Variants in SDK1 observed in about 807,000 individuals in gnomAD.
The protein encoded by SDK1 is protein sidekick-1.
SDK1 carries 157 observed loss-of-function variants against 245.5 expected under a neutral mutation model. The observed-to-expected ratio is 0.64, with a 90% CI of 0.56 to 0.73. The LOEUF (loss-of-function observed/expected upper bound fraction) is 0.73, where lower values mean the gene tolerates loss of function less well. SDK1 is among the 30% of genes least tolerant of loss of function. The pLI is 0.00. For missense variants in SDK1, 3,583 were observed against 3,002.3 expected, an observed-to-expected ratio of 1.19 and a Z score of -4.52; for synonymous variants, 1,647 against 1,278.5, an observed-to-expected ratio of 1.29 and a Z score of -6.15.
intron 4 of SDK1, among the ~76,000 whole-genome samples, chr7:3,702,888 G>A (rs1170306030): frequency 3.3e-5 from 5 of 151,696 alleles, no homozygotes; most frequent in Non-Finnish European, 4.4e-5. Flanking sequence ...CAAAATAAGA[G>A]ATCACTAGCT....
At chr7:3,929,387 T>G (rs535532217) in intron 5 of SDK1, among the ~76,000 whole-genome samples, 3 of 152,222 alleles carry the variant, frequency 2.0e-5, no homozygotes, top group Admixed American at 1.3e-4. Context: ...TTGGCGGGGT[T>G]GCTTATGTCT....
intron 44 of SDK1, among the ~76,000 whole-genome samples, chr7:4,247,433 C>T (rs1287785832): frequency 6.6e-6 from 1 of 152,248 alleles, no homozygotes; most frequent in East Asian, 1.9e-4. Context: ...CAGGGGCTGT[C>T]AAGTGAAATC....
At chr7:3,799,154 T>C (rs1779041143) in intron 4 of SDK1, among the ~76,000 whole-genome samples, 1 of 152,192 alleles carries the variant, frequency 6.6e-6, no homozygotes, top group African/African-American at 2.4e-5. Context: ...TCTTGGGCCT[T>C]TTTATTACTT....
intron 5 of SDK1, among the ~76,000 whole-genome samples, chr7:3,831,382 G>A (rs1007652714): frequency 6.6e-6 from 1 of 152,126 alleles, no homozygotes; most frequent in Non-Finnish European, 1.5e-5. Flanking sequence ...AATGAGTTCA[G>A]TATTCTGAAG....
chr7:3,569,217 G>A lies in SDK1; in HGVS notation c.299-49863G>A, dbSNP rs78555413. On this transcript the variant is annotated intron_variant, in intron 1 of 44. Transcript: ENST00000404826. ...ATACTATATCCAGTAAGTTAGAAGC[G>A]AGAAAAACAAGGAAAAACAGAAGTC... Among the ~76,000 whole-genome samples, 637 of 152,248 alleles carry A rather than the reference G, an allele frequency of 4.2e-3. 5 individuals are homozygous for A. The highest frequency in any genetic ancestry group is 0.014 in the African/African-American group (591 of 41,542).
At position 4,029,214 on chromosome 7, in the gene SDK1, C is replaced by CTTTTTTT. The variant is rs532321663; in HGVS notation, c.2602+11871_2602+11877dup. 6.1e-5 allele frequency among the ~76,000 whole-genome samples: 6 copies of CTTTTTTT among 98,400 alleles called. 1 individual carries two copies. Among genetic ancestry groups the CTTTTTTT allele is most frequent in the African/African-American group, 2.9e-4 (4 of 13,806 alleles). The allele number at this position is 98,400 out of a possible 152,430, so 64.6% of individuals were successfully genotyped here. On this transcript the variant is annotated intron_variant, in intron 17 of 44. Transcript: ENST00000404826. ...CTTGATTTTCTTTCTTTTATTCTTT[C>CTTTTTTT]TTTTTTTTTTTTTTTGTGAAGAAGT...
intron 5 of SDK1, among the ~76,000 whole-genome samples, chr7:3,945,904 A>AAAAAAAAAAAAC (rs1780558350): frequency 8.3e-6 from 1 of 119,800 alleles, no homozygotes; most frequent in Non-Finnish European, 1.7e-5. Flanking sequence ...GTCTGTAAAA[A>AAAAAAAAAAAAC]AAAAAAAAAA....
chr7:3,999,533 C>G (rs753806342), intron 14 of SDK1, among the ~76,000 whole-genome samples: 3 of 152,158 alleles, frequency 2.0e-5, no homozygotes, highest in Non-Finnish European at 4.4e-5. Flanking sequence ...GCAGAATGTT[C>G]AAACGGTCAG....
chr7:4,247,103 C>A (rs1786919875), intron 44 of SDK1, among the ~76,000 whole-genome samples: 1 of 152,322 alleles, frequency 6.6e-6, no homozygotes, highest in African/African-American at 2.4e-5. Context: ...ATTGGCTGTA[C>A]ACATAGGCCT....
At chr7:3,891,062 C>T (rs968401719) in intron 5 of SDK1, among the ~76,000 whole-genome samples, 1 of 152,180 alleles carries the variant, frequency 6.6e-6, no homozygotes, top group African/African-American at 2.4e-5. Context: ...GTGGAGCCAT[C>T]ACTGTCTAGA....
At chr7:3,582,684 A>T (rs1035047958) in intron 1 of SDK1, among the ~76,000 whole-genome samples, 5 of 29,974 alleles carry the variant, frequency 1.7e-4, no homozygotes, top group Admixed American at 5.0e-4. Flanking sequence ...AAACTAAAGT[A>T]AAAAAAAAAA....
chr7:4,140,139 C>G (rs536813606), intron 28 of SDK1, among the ~76,000 whole-genome samples: 3 of 152,166 alleles, frequency 2.0e-5, no homozygotes, highest in Admixed American at 6.5e-5. Flanking sequence ...CAGACAGTGG[C>G]GCTGCTCCTG....
intron 5 of SDK1, among the ~76,000 whole-genome samples, chr7:3,908,806 G>A (rs915831719): frequency 6.6e-6 from 1 of 151,954 alleles, no homozygotes; most frequent in Non-Finnish European, 1.5e-5. Flanking sequence ...GCATTTTTGG[G>A]GGGACTTAGG....
At chr7:3,869,602 C>A (rs1161747200) in intron 5 of SDK1, among the ~76,000 whole-genome samples, 1 of 152,216 alleles carries the variant, frequency 6.6e-6, no homozygotes, top group Non-Finnish European at 1.5e-5. Flanking sequence ...CAGCTCCTCC[C>A]CTCCCTGCTT....
intron 44 of SDK1, among the ~76,000 whole-genome samples, chr7:4,264,434 G>GGAGGCCGCGTGGACCTCTCCTGA (rs1788306074): frequency 8.6e-6 from 1 of 116,552 alleles, no homozygotes; most frequent in Non-Finnish European, 2.0e-5. Context: ...CCTCTCCTGG[G>GGAGGCCGCGTGGACCTCTCCTGA]GTAAGGAAGG....
Position 3,694,225 on chromosome 7 carries a change from G to A in SDK1, c.713+52120G>A, listed in dbSNP as rs74901855. Among the ~76,000 whole-genome samples the A allele has an allele frequency of 9.0e-3, 1,364 of 152,256 alleles. 9 individuals carry two copies. Among genetic ancestry groups the A allele is most frequent in the Non-Finnish European group, 0.014 (937 of 68,018 alleles). On this transcript the variant is annotated intron_variant, in intron 4 of 44. Transcript: ENST00000404826. The stretch of plus-strand genomic sequence containing the variant: ...AAGTTGTGCCCTGCCCACTGCATAA[G>A]ACTTCGTGAAAGCTCTTTGAGATGT...
In SDK1 at chr7:3,607,977, C is replaced by A. The variant is rs112045484; in HGVS notation, c.299-11103C>A. On this transcript the variant is annotated intron_variant, in intron 1 of 44. Transcript: ENST00000404826. ...GGCGGCCACAAGGCCAAAATCATTTCATCAGAATAGACCTTTGTACTTTGT... is the reference window on the plus strand; with the variant it reads ...GGCGGCCACAAGGCCAAAATCATTTAATCAGAATAGACCTTTGTACTTTGT... 4.6e-3 allele frequency among the ~76,000 whole-genome samples: 702 copies of A among 152,354 alleles called. 8 individuals carry two copies. The highest frequency in any genetic ancestry group is 0.016 in the African/African-American group (658 of 41,582).
chr7:3,732,261 C>T (rs1483453877), intron 4 of SDK1, among the ~76,000 whole-genome samples: 1 of 152,140 alleles, frequency 6.6e-6, no homozygotes, highest in East Asian at 1.9e-4. Flanking sequence ...GGCTGATTTT[C>T]AAATTGTTGT....
chr7:3,892,475 C>T (rs531326346), intron 5 of SDK1, among the ~76,000 whole-genome samples: 5 of 152,292 alleles, frequency 3.3e-5, no homozygotes, highest in African/African-American at 1.2e-4. Flanking sequence ...CAGCCGTCCC[C>T]TCCTCCCACA....
Sources: gnomAD v4.1 joint callset for allele counts (sites outside exome capture counted in the v4.1 genomes callset) on GRCh38, gnomAD v4.1.1 for gene constraint, MANE v1.5 for transcripts, NCBI Gene and HGNC (gene_info 2026-07-23, HGNC 2026-07-21) for gene names.